Variants in PI4KB observed in about 807,000 individuals in gnomAD.
The protein encoded by PI4KB is PtdIns 4-kinase beta.
Under a neutral mutation model 81.4 loss-of-function variants are expected in PI4KB, and 23 were observed. That is an observed-to-expected ratio of 0.28 (90% CI 0.20 to 0.40). PI4KB has a LOEUF of 0.40. Ranked by LOEUF, PI4KB falls within the 10% of genes least tolerant of loss-of-function variation. The probability of loss-of-function intolerance (pLI) is 1.00; values close to 1 mark genes in which losing one functional copy is unlikely to be tolerated. For missense variants in PI4KB, 651 were observed against 1,036.6 expected (o/e 0.63, Z 5.11); for synonymous variants, 381 against 406.8 (o/e 0.94, Z 0.76).
At chr1:151,321,065 C>A (rs1056045915) in intron 1 of PI4KB, among the ~76,000 whole-genome samples, 1 of 152,152 alleles carries the variant, frequency 6.6e-6, no homozygotes, top group African/African-American at 2.4e-5. Context: ...ATCTCACAGA[C>A]AAAAGAAAAA....
chr1:151,316,796 A>G (rs1438256716), intron 1 of PI4KB, among the ~76,000 whole-genome samples: 2 of 151,966 alleles, frequency 1.3e-5, no homozygotes, highest in Non-Finnish European at 2.9e-5. Flanking sequence ...TTGTATTTAT[A>G]TAGATTTACA....
At chr1:151,321,888 A>AG (rs1648897286) in intron 1 of PI4KB, among the ~76,000 whole-genome samples, 1 of 151,470 alleles carries the variant, frequency 6.6e-6, no homozygotes, top group Non-Finnish European at 1.5e-5. Flanking sequence ...AAAAAAAAAA[A>AG]AAAAGCCTTT....
intron 9 of PI4KB, among the ~76,000 whole-genome samples, chr1:151,296,321 A>G (rs1213601693): frequency 6.6e-6 from 1 of 152,110 alleles, no homozygotes; most frequent in Non-Finnish European, 1.5e-5. Flanking sequence ...TAGGGCTGGC[A>G]GGGTGGAATG....
At chr1:151,319,353 G>A (rs372099675) in intron 1 of PI4KB, among the ~76,000 whole-genome samples, 2 of 152,080 alleles carry the variant, frequency 1.3e-5, no homozygotes, top group African/African-American at 4.8e-5. Flanking sequence ...ACTAACCAGT[G>A]TGTGTGTAAC....
chr1:151,305,099 G>C (rs1695650354), intron 5 of PI4KB, among the ~76,000 whole-genome samples: 1 of 152,164 alleles, frequency 6.6e-6, no homozygotes, highest in South Asian at 2.1e-4. Flanking sequence ...CAAAGTGCTG[G>C]GATTACAGGC....
At chr1:151,326,741 C>A (rs531150670) in intron 1 of PI4KB, among the ~76,000 whole-genome samples, 1 of 152,204 alleles carries the variant, frequency 6.6e-6, no homozygotes, top group African/African-American at 2.4e-5. Context: ...CAGGAGCTGG[C>A]TGGGTAGGTG....
At chr1:151,301,639 C>T (rs989288817) in intron 8 of PI4KB, among the ~76,000 whole-genome samples, 1 of 152,180 alleles carries the variant, frequency 6.6e-6, no homozygotes, top group Admixed American at 6.5e-5. Flanking sequence ...CCTCGTGATC[C>T]ACCCGCCTCG....
At chr1:151,307,175 G>A (rs587756428) in intron 4 of PI4KB, among the ~76,000 whole-genome samples, 1 of 152,214 alleles carries the variant, frequency 6.6e-6, no homozygotes, top group South Asian at 2.1e-4. Context: ...CTCTCCTTTT[G>A]TCGGCTCATT....
At chr1:151,306,400 C>G (rs767971549) in intron 4 of PI4KB, 37 bp from the exon 5 acceptor site, 1 of 1,281,494 alleles carries the variant, frequency 7.8e-7, no homozygotes, top group African/African-American at 1.5e-5. Context: ...CAACTTACTT[C>G]CACCACTAAC....
chr1:151,317,123 C>T (rs1648082676), intron 1 of PI4KB, among the ~76,000 whole-genome samples: 1 of 150,544 alleles, frequency 6.6e-6, no homozygotes, highest in Non-Finnish European at 1.5e-5. Context: ...CTGCACCTGG[C>T]CTACATTTAC....
chr1:151,313,396 C>T (rs1284553996), intron 2 of PI4KB, among the ~76,000 whole-genome samples: 1 of 152,108 alleles, frequency 6.6e-6, no homozygotes, highest in African/African-American at 2.4e-5. Context: ...TAATCTTATC[C>T]TGGAGTGGGA....
rs1310794851 is a variant in PI4KB at position 151,294,442 on chromosome 1, C to T, written c.2115G>A (p.Thr705=). ...ACTCTGTGGTCAGCTTAAAGGCTGA[C>T]GTCTCAAAGCCCAGATTTCGGGGTG... ...SSSPRNLGFE[T]SAFKLTTEFV... The change falls in exon 10 of 12, where the codon ACG becomes ACA. Residue 705 remains threonine (T), a synonymous_variant. Coordinates refer to ENST00000368873, the MANE Select transcript of PI4KB (RefSeq NM_001369623.2). 9.3e-6 allele frequency: 15 copies of T among 1,613,832 alleles called. No homozygotes were observed. The highest frequency in any genetic ancestry group is 5.3e-5 in the African/African-American group (4 of 74,844).
intron 5 of PI4KB, among the ~76,000 whole-genome samples, chr1:151,303,904 T>G (rs1695513832): frequency 6.6e-6 from 1 of 152,100 alleles, no homozygotes; most frequent in Non-Finnish European, 1.5e-5. Flanking sequence ...AGGAATGGGA[T>G]CTGAAAGTCT....
At chr1:151,322,279 A>C (rs1648962104) in intron 1 of PI4KB, among the ~76,000 whole-genome samples, 1 of 152,208 alleles carries the variant, frequency 6.6e-6, no homozygotes, top group Non-Finnish European at 1.5e-5. Context: ...GGTCACACAG[A>C]GCAGCAGCTG....
rs913456071 is a variant in PI4KB, at chr1:151,327,353, C to A, written c.-111G>T. 2.5e-6 allele frequency: 1 copy of A among 397,690 alleles called. No homozygotes were observed. The highest frequency in any genetic ancestry group is 4.4e-5 in the Admixed American group (1 of 22,652). 24.6% of individuals were successfully genotyped at this position (397,690 alleles called of 1,614,324 possible). ...CCGCCTCAGCAGCAGCGACCGCTCCCGGGTTCCATTGGCCGCCTGCGCTTC... is the reference window on the plus strand; with the variant it reads ...CCGCCTCAGCAGCAGCGACCGCTCCAGGGTTCCATTGGCCGCCTGCGCTTC... On this transcript the variant is annotated 5_prime_UTR_variant, in exon 1 of 12. Transcript: ENST00000368873.
At chr1:151,324,548 G>GA (rs1372422897) in intron 1 of PI4KB, among the ~76,000 whole-genome samples, 1 of 152,152 alleles carries the variant, frequency 6.6e-6, no homozygotes, top group Admixed American at 6.5e-5. Context: ...GGCATTAGGG[G>GA]AGAGGGCATT....
chr1:151,308,357 CCT>C (rs1274132738), intron 3 of PI4KB, among the ~76,000 whole-genome samples: 4 of 152,202 alleles, frequency 2.6e-5, no homozygotes, highest in Admixed American at 6.5e-5. Flanking sequence ...ATGGTATCCC[CCT>C]GTCCGTCCCA....
At position 151,294,029 on chromosome 1, in the gene PI4KB, A is replaced by G. The variant is rs1452434094; in HGVS notation, c.2258T>C (p.Ile753Thr). The change falls in exon 11 of 12, where the codon ATC becomes ACC. Residue 753 changes from isoleucine (I) to threonine (T), a missense_variant. Around this residue, in one of 5 missense-constraint regions of PI4KB, gnomAD observed 70 missense variants for 108.1 expected, o/e 0.65. Coordinates refer to ENST00000368873, the MANE Select transcript of PI4KB (RefSeq NM_001369623.2). Reference protein sequence around the residue: ...HMDKVVQIVEIMQQGSQLPCF... With the variant: ...HMDKVVQIVETMQQGSQLPCF... ...CACCCCAGCCCCACCTTGCTGCATG[A>G]TCTCCACGATCTGCACCACCTTGTC... 2 of 1,613,926 alleles carry G rather than the reference A, an allele frequency of 1.2e-6. No individual in the cohort carries two copies. The highest frequency in any genetic ancestry group is 1.7e-6 in the Non-Finnish European group (2 of 1,179,940).
At chr1:151,316,586 C>T in intron 1 of PI4KB, 77 bp from the exon 2 acceptor site, 2 of 1,023,966 alleles carry the variant, frequency 2.0e-6, no homozygotes, top group Non-Finnish European at 2.7e-6. Flanking sequence ...ATCCTCAGAT[C>T]TTCCCTTTGC....
Sources: allele counts gnomAD v4.1 joint callset (sites outside exome capture counted in the v4.1 genomes callset), GRCh38; gene constraint gnomAD v4.1.1; regional missense constraint gnomAD v4.1.1; transcripts MANE v1.5; gene names NCBI Gene and HGNC (gene_info 2026-07-23, HGNC 2026-07-21).